Variants in STAC2 observed in about 807,000 individuals in gnomAD.
The protein encoded by STAC2 is SH3 and cysteine-rich domain-containing protein 2.
Under a neutral mutation model 49.0 loss-of-function variants are expected in STAC2, and 36 were observed. The observed-to-expected ratio is 0.74, with a 90% CI of 0.56 to 0.97. STAC2 has a LOEUF of 0.97. Among genes scored for constraint, STAC2 ranks in the 50% least tolerant of loss-of-function variants. The probability of loss-of-function intolerance (pLI) is 0.00; values close to 1 mark genes in which losing one functional copy is unlikely to be tolerated. For synonymous variants in STAC2, 239 were observed against 214.7 expected (o/e 1.11, Z -0.99); for missense variants, 527 against 543.8 (o/e 0.97, Z 0.31).
chr17:39,219,707 C>T (rs2046442892), intron 1 of STAC2, among the ~76,000 whole-genome samples: 1 of 152,194 alleles, frequency 6.6e-6, no homozygotes. Flanking sequence ...GCTATTTCCA[C>T]CTCTCATTCA....
chr17:39,218,297 A>AG, intron 1 of STAC2, 124 bp from the exon 2 acceptor site: 1 of 992,406 alleles, frequency 1.0e-6, no homozygotes, highest in Non-Finnish European at 1.5e-6. Context: ...GTGGGGGCTG[A>AG]GGGCCAGAGC....
chr17:39,218,197 G>A (rs2046426689), intron 1 of STAC2, 24 bp from the exon 2 acceptor site: 1 of 1,612,816 alleles, frequency 6.2e-7, no homozygotes, highest in Non-Finnish European at 8.5e-7. Context: ...AGGGAGCTGT[G>A]AGTGGGAGCC....
In STAC2 at chr17:39,218,144, G is replaced by C; in HGVS notation, c.120C>G (p.Leu40=). 1 of 1,613,544 alleles carries C rather than the reference G, an allele frequency of 6.2e-7. No individual in the cohort carries two copies. Among genetic ancestry groups the C allele is most frequent in the Non-Finnish European group, 8.5e-7 (1 of 1,180,028 alleles). ...KLQRFKRSLS[L]KTILRSKSLE... is the part of the protein sequence containing the mutation. ...AGCTCTTACTTCGGAGGATGGTCTT[G>C]AGGGAGAGGGAGCGCTTGAATCGCT... The change falls in exon 2 of 11, where the codon CTC becomes CTG. Residue 40 remains leucine (L), a synonymous_variant. Coordinates refer to ENST00000333461, the MANE Select transcript of STAC2 (RefSeq NM_198993.5).
intron 9 of STAC2, 138 bp downstream of exon 9, chr17:39,213,369 C>T: frequency 8.0e-7 from 1 of 1,245,458 alleles, no homozygotes; most frequent in Non-Finnish European, 1.1e-6. Context: ...AGGGTTGGTC[C>T]TAGTTTTGGC....
At chr17:39,214,693 C>T in intron 7 of STAC2, 98 bp downstream of exon 7, 1 of 1,404,034 alleles carries the variant, frequency 7.1e-7, no homozygotes, top group Admixed American at 2.0e-5. Flanking sequence ...AGTGAATCCC[C>T]ACGCACCATG....
chr17:39,213,427 G>T, intron 9 of STAC2, 80 bp downstream of exon 9: 1 of 1,551,008 alleles, frequency 6.4e-7, no homozygotes, highest in Non-Finnish European at 8.8e-7. Context: ...CTGGAGAGAA[G>T]GTGGGGGCAG....
In STAC2 at chr17:39,220,930, A is replaced by G. The variant is rs558608993; in HGVS notation, c.91-2757T>C. Among the ~76,000 whole-genome samples the G allele has an allele frequency of 2.1e-3, 309 of 145,160 alleles. 1 individual carries two copies. The highest frequency in any genetic ancestry group is 4.4e-3 in the Middle Eastern group (1 of 226). ...TCCTGCCTCAGCCTCCCGAGTAGCTAGGACTACAGGCGCCCGCCACCACGC... is the reference window on the plus strand; with the variant it reads ...TCCTGCCTCAGCCTCCCGAGTAGCTGGGACTACAGGCGCCCGCCACCACGC... On this transcript the variant is annotated intron_variant, in intron 1 of 10. Transcript: ENST00000333461.
Position 39,214,301 on chromosome 17 carries a change from C to T in STAC2, c.873G>A (p.Val291=). The T allele has an allele frequency of 3.1e-6, 5 of 1,614,064 alleles. No individual in the cohort carries two copies. In the South Asian group the frequency reaches 3.3e-5, roughly 11 times the overall value. Residue 291 remains valine (V), a synonymous_variant, in exon 8 of 11, where the codon GTG becomes GTA. Coordinates refer to ENST00000333461, the MANE Select transcript of STAC2 (RefSeq NM_198993.5). ...GTGCAACGTAGGAGTACATGGGCCC[C>T]ACATCCTTCCGCAGGGTGGCTTTGG... is the stretch of plus-strand genomic sequence containing the variant. The part of the protein sequence containing the change: ...QLPKATLRKD[V]GPMYSYVALY...
chr17:39,225,479 C>G lies in STAC2; in HGVS notation c.24G>C (p.Glu8Asp), dbSNP rs2046504322. The G allele has an allele frequency of 6.2e-7, 1 of 1,610,440 alleles. No homozygotes were observed. Among genetic ancestry groups the G allele is most frequent in the South Asian group, 1.1e-5 (1 of 91,038 alleles). MTEMSEK[E>D]NEPDDAATHS... Reference sequence around the variant, plus strand: ...GGGTGGCCGCGTCATCCGGTTCGTTCTCCTTCTCGCTCATCTCGGTCATGG... The same window carrying G: ...GGGTGGCCGCGTCATCCGGTTCGTTGTCCTTCTCGCTCATCTCGGTCATGG... Residue 8 changes from glutamate to aspartate, a missense_variant, in exon 1 of 11, where the codon GAG (glutamate) becomes GAC (aspartate). By Grantham distance (45) the Glu-to-Asp change is conservative. Transcript: ENST00000333461. The surrounding 1 kb of genome is among the most constrained non-coding windows in gnomAD (Gnocchi z 8.2).
intron 1 of STAC2, among the ~76,000 whole-genome samples, chr17:39,218,770 C>T (rs571351499): frequency 2.6e-5 from 4 of 151,158 alleles, no homozygotes; most frequent in Non-Finnish European, 4.4e-5. Flanking sequence ...AAAATAGGCA[C>T]GGTATGGTGG....
intron 1 of STAC2, among the ~76,000 whole-genome samples, chr17:39,219,924 T>A (rs920121204): frequency 6.6e-6 from 1 of 152,202 alleles, no homozygotes; most frequent in Non-Finnish European, 1.5e-5. Context: ...GTGCCATGGC[T>A]GCCTGCCTGG....
At chr17:39,215,785 C>A (rs1198401841) in intron 4 of STAC2, among the ~76,000 whole-genome samples, 28 of 152,102 alleles carry the variant, frequency 1.8e-4, no homozygotes, top group Non-Finnish European at 2.9e-5. Context: ...CTTACTGCAA[C>A]CTCCGCCTCC....
chr17:39,214,545 G>C (rs968718244), intron 7 of STAC2: 2 of 850,372 alleles, frequency 2.4e-6, no homozygotes, highest in Non-Finnish European at 2.8e-6. Flanking sequence ...TCTGCCTGCT[G>C]TACCCTGGGG....
Position 39,221,040 on chromosome 17 carries a change from C to T in STAC2, c.91-2867G>A, listed in dbSNP as rs182424144. 3.0e-4 allele frequency among the ~76,000 whole-genome samples: 45 copies of T among 151,764 alleles called. No individual in the cohort carries two copies. The East Asian group carries it at 7.6e-3, about 26-fold the overall frequency. ...CTCGATCTCCTGACCTCGTGATCCG[C>T]CTGTTTCGGCCTCCCAAAGTGCTAG... is the stretch of plus-strand genomic sequence containing the variant. On this transcript the variant is annotated intron_variant, in intron 1 of 10. Transcript: ENST00000333461.
At chr17:39,221,139 A>T (rs1267862266) in intron 1 of STAC2, among the ~76,000 whole-genome samples, 1 of 151,094 alleles carries the variant, frequency 6.6e-6, no homozygotes, top group Non-Finnish European at 1.5e-5. Context: ...TTTGTTGCCC[A>T]GGCTGGAGTG....
chr17:39,212,843 G>A, intron 10 of STAC2, 152 bp downstream of exon 10: 1 of 1,275,790 alleles, frequency 7.8e-7, no homozygotes, highest in Non-Finnish European at 1.1e-6. Flanking sequence ...GCTGGTAGGA[G>A]GGCCCTGCAA....
chr17:39,225,290 G>T lies in STAC2; in HGVS notation c.90+123C>A. 1.3e-6 allele frequency: 1 copy of T among 750,358 alleles called. No individual in the cohort carries two copies. Among genetic ancestry groups the T allele is most frequent in the Non-Finnish European group, 2.0e-6 (1 of 490,964 alleles). The allele number at this position is 750,358 out of a possible 1,614,324, so 46.5% of individuals were successfully genotyped here. A position where few individuals can be genotyped will look rare whatever the true frequency, so the allele number is the denominator to read the frequency against. The stretch of plus-strand genomic sequence containing the variant: ...CTCCTACCCCCGGGAGCGGCGCGGA[G>T]CCTCAGTGGTCACGCGGGCCTCGCG... On this transcript the variant is annotated intron_variant, in intron 1 of 10. Transcript: ENST00000333461. The surrounding 1 kb of genome is among the most constrained non-coding windows in gnomAD (Gnocchi z 8.2).
chr17:39,217,407 C>G (rs1244960628), intron 2 of STAC2, among the ~76,000 whole-genome samples: 1 of 152,116 alleles, frequency 6.6e-6, no homozygotes, highest in Non-Finnish European at 1.5e-5. Context: ...CTTGGTGGTG[C>G]TCCTCTCTCT....
Position 39,217,097 on chromosome 17 carries a change from G to C in STAC2, c.474C>G (p.His158Gln), listed in dbSNP as rs759842111. The C allele has an allele frequency of 6.2e-7, 1 of 1,614,000 alleles. No individual in the cohort carries two copies. Among genetic ancestry groups the C allele is most frequent in the South Asian group, 1.1e-5 (1 of 91,080 alleles). The change falls in exon 3 of 11, where the codon CAC becomes CAG. Residue 158 changes from histidine (H) to glutamine (Q), a missense_variant. By Grantham distance (24) the His-to-Gln change is conservative. Transcript: ENST00000333461. Reference protein sequence around the residue: ...VHLWCSEEISHQQCPGKTSTS... With the variant: ...VHLWCSEEISQQQCPGKTSTS... ...TCACCGTCTTGCCTGGGCATTGCTG[G>C]TGGGAGATCTCCTCAGAGCACCAGA...
Sources: gnomAD v4.1 joint callset for allele counts (sites outside exome capture counted in the v4.1 genomes callset) on GRCh38, gnomAD v4.1.1 for gene constraint, Gnocchi (gnomAD v3.1) non-coding constraint, MANE v1.5 for transcripts, NCBI Gene and HGNC (gene_info 2026-07-23, HGNC 2026-07-21) for gene names.